The following SMG1 variants were observed in gnomAD, a reference collection of about 807,000 sequenced individuals.
The protein encoded by SMG1 is serine/threonine-protein kinase SMG1.
A neutral mutation model predicts 419.9 loss-of-function variants in SMG1; 22 were observed. The ratio of observed to expected loss-of-function variants is 0.05; its 90% CI spans 0.04 to 0.07. The LOEUF (loss-of-function observed/expected upper bound fraction) is 0.07. Ranked by LOEUF, SMG1 falls within the 10% of genes least tolerant of loss-of-function variation. The pLI is 1.00. For missense variants in SMG1, 3,185 were observed against 4,342.0 expected (o/e 0.73, Z 7.49); for synonymous variants, 1,538 against 1,553.5 (o/e 0.99, Z 0.23).
rs773787855 is a variant in SMG1, at chr16:18,864,157, T to C, written c.3351-13A>G. 31 of 1,480,624 alleles carry C rather than the reference T, an allele frequency of 2.1e-5. No individual in the cohort carries two copies. Among genetic ancestry groups the C allele is most frequent in the African/African-American group, 2.9e-5 (2 of 68,816 alleles). 91.7% of individuals were successfully genotyped at this position (1,480,624 alleles called of 1,614,324 possible). The stretch of plus-strand genomic sequence containing the variant: ...GGCCTTTTCAAACCTGAAAAGCAAA[T>C]TGAAGCAGTCTTATTTATTTATCTA... On this transcript the variant is annotated splice_polypyrimidine_tract_variant and intron_variant, in intron 23 of 62. Transcript: ENST00000446231.
rs762549613 is a variant in SMG1 at position 18,838,094 on chromosome 16, C to A, written c.7333G>T (p.Ala2445Ser). 6.2e-7 allele frequency: 1 copy of A among 1,614,024 alleles called. No homozygotes were observed. Among genetic ancestry groups the A allele is most frequent in the East Asian group, 2.2e-5 (1 of 44,884 alleles). Residue 2445 changes from alanine (A) to serine (S), a missense_variant, in exon 45 of 63, where the codon GCC (alanine) becomes TCC (serine). By Grantham distance (99) the Ala-to-Ser change is moderately conservative (BLOSUM62 1). Coordinates refer to ENST00000446231, the MANE Select transcript of SMG1 (RefSeq NM_015092.5). ...GAVYGGGGQQ[A>S]ESKQSKREME... is the part of the protein sequence containing the mutation. ...TCTCTCTTGCTCTGCTTGCTCTCGG[C>A]CTGCTGGCCACCTCCACCATAGACA...
At chr16:18,839,439 C>T (rs1052181202) in intron 42 of SMG1, among the ~76,000 whole-genome samples, 2 of 152,054 alleles carry the variant, frequency 1.3e-5, no homozygotes, top group Non-Finnish European at 2.9e-5. Flanking sequence ...TGAGAACATG[C>T]GGTATTCAGT....
In SMG1 at chr16:18,834,388, A is replaced by G. The variant is rs753650149; in HGVS notation, c.8381T>C (p.Val2794Ala). 4.3e-6 allele frequency: 7 copies of G among 1,613,966 alleles called. No individual in the cohort carries two copies. Among genetic ancestry groups the G allele is most frequent in the South Asian group, 2.2e-5 (2 of 91,058 alleles). The change falls in exon 50 of 63, where the codon GTT becomes GCT. Residue 2794 changes from valine to alanine, a missense_variant. This residue lies in a region of SMG1 where 412 missense variants were observed against 546.6 expected (regional missense o/e 0.75). Coordinates refer to ENST00000446231, the MANE Select transcript of SMG1 (RefSeq NM_015092.5). ...GGCTCCATCCCGAGAAGTCAGATCA[A>G]CCAGCTGTTCTCCAGCACTTGACGC... ...GAASSAGEQL[V>A]DLTSRDGAWF...
chr16:18,876,059 A>G (rs1203417445), intron 13 of SMG1, 65 bp downstream of exon 13: 69 of 1,546,052 alleles, frequency 4.5e-5, no homozygotes, highest in Non-Finnish European at 5.1e-5. Context: ...AGTGAAATAC[A>G]TAAATATGTA....
chr16:18,893,901 C>CA (rs1248282626), intron 3 of SMG1, among the ~76,000 whole-genome samples: 2 of 151,422 alleles, frequency 1.3e-5, no homozygotes, highest in Non-Finnish European at 2.9e-5. Flanking sequence ...ACTGAAGATA[C>CA]AAAAAATTAG....
intron 59 of SMG1, 67 bp downstream of exon 59, chr16:18,815,373 G>C: frequency 1.3e-6 from 2 of 1,575,288 alleles, no homozygotes; most frequent in South Asian, 2.2e-5. Context: ...TAAATCAAGA[G>C]ATAAACTTCT....
Position 18,877,831 on chromosome 16 carries a change from A to G in SMG1, c.1519-599T>C, listed in dbSNP as rs1279784424. On this transcript the variant is annotated intron_variant, in intron 11 of 62. Coordinates refer to ENST00000446231, the MANE Select transcript of SMG1 (RefSeq NM_015092.5). ...TTAGACACCTAAATAGGACACACGT[A>G]TTTTACAGTTATCATGGGCATTTTT... is the stretch of plus-strand genomic sequence containing the variant. 4 of 152,198 alleles carry G rather than the reference A, an allele frequency of 2.6e-5. No individual in the cohort carries two copies. The East Asian group carries it at 7.7e-4, about 29-fold the overall frequency. 9.4% of individuals were successfully genotyped at this position (152,198 alleles called of 1,614,324 possible).
chr16:18,832,953 T>C lies in SMG1; in HGVS notation c.8779A>G (p.Ile2927Val), dbSNP rs1457364063. The change falls in exon 51 of 63, where the codon ATC becomes GTC. Residue 2927 changes from isoleucine to valine, a missense_variant. Transcript: ENST00000446231. ...GCATTCACTTGCCTGGCAACATCGA[T>C]GTAATGAGCATGTGTTTCTTCTTCC... ...GLEEETHAHY[I>V]DVARLLHAQY... 8.1e-6 allele frequency: 13 copies of C among 1,613,764 alleles called. No individual in the cohort carries two copies. Among genetic ancestry groups the C allele is most frequent in the African/African-American group, 1.3e-5 (1 of 74,904 alleles).
chr16:18,856,669 C>T (rs1028373283), intron 29 of SMG1: 1 of 152,156 alleles, frequency 6.6e-6, no homozygotes, highest in Non-Finnish European at 1.5e-5. Flanking sequence ...ATTCTTCTAG[C>T]AGAGACAGGG....
Position 18,830,977 on chromosome 16 carries a change from C to G in SMG1, c.8793-608G>C, listed in dbSNP as rs199756941. Among the ~76,000 whole-genome samples, 3 of 152,146 alleles carry G rather than the reference C, an allele frequency of 2.0e-5. No individual in the cohort carries two copies. The East Asian group carries it at 5.8e-4, about 29-fold the overall frequency. ...TTTAAAATCCTGTATTGAAAAATGT[C>G]AGAAATCACACCATTCTAAAGCTGG... On this transcript the variant is annotated intron_variant, in intron 51 of 62. Transcript: ENST00000446231.
intron 1 of SMG1, among the ~76,000 whole-genome samples, chr16:18,916,312 G>T (rs187036560): frequency 6.6e-6 from 1 of 151,174 alleles, no homozygotes; most frequent in Non-Finnish European, 1.5e-5. Context: ...TCAGGAGATC[G>T]AGACCATCCT....
intron 10 of SMG1, among the ~76,000 whole-genome samples, chr16:18,881,504 C>T (rs977852070): frequency 2.0e-5 from 3 of 152,122 alleles, no homozygotes; most frequent in African/African-American, 7.2e-5. Context: ...CAAGTTTTAT[C>T]CTAACAGTAA....
chr16:18,867,391 G>A (rs13334896), intron 22 of SMG1, among the ~76,000 whole-genome samples: 10,617 of 151,916 alleles, frequency 0.07, 374 homozygotes, highest in African/African-American at 0.094. Flanking sequence ...AAACTTAGCC[G>A]AGTATGGTGG....
intron 13 of SMG1, among the ~76,000 whole-genome samples, chr16:18,873,469 C>A (rs529129451): frequency 6.6e-6 from 1 of 152,134 alleles, no homozygotes; most frequent in African/African-American, 2.4e-5. Flanking sequence ...TGATCTGCCC[C>A]CCTCGGTCTC....
Position 18,898,808 on chromosome 16 carries a change from T to C in SMG1, c.93-1852A>G, listed in dbSNP as rs1411874302. Among the ~76,000 whole-genome samples the C allele has an allele frequency of 3.9e-5, 6 of 152,200 alleles. No homozygotes were observed. The East Asian group carries it at 9.6e-4, about 24-fold the overall frequency. ...ACCTTTACTATTAAGAGTTAAATAT[T>C]TGTATCACTTTCTGGTGACACAGTA... is the stretch of plus-strand genomic sequence containing the variant. On this transcript the variant is annotated intron_variant, in intron 1 of 62. Coordinates refer to ENST00000446231, the MANE Select transcript of SMG1 (RefSeq NM_015092.5).
chr16:18,902,819 T>C (rs921948319), intron 1 of SMG1, among the ~76,000 whole-genome samples: 29 of 152,162 alleles, frequency 1.9e-4, no homozygotes, highest in African/African-American at 6.5e-4. Context: ...TTTAAAACCA[T>C]TAAATATACT....
intron 54 of SMG1, among the ~76,000 whole-genome samples, 158 bp from the exon 55 acceptor site, chr16:18,828,326 A>G (rs1449148937): frequency 1.3e-5 from 2 of 152,212 alleles, no homozygotes; most frequent in Non-Finnish European, 2.9e-5. Flanking sequence ...AGACACACTG[A>G]AAAAAATCAC....
chr16:18,816,258 A>T, intron 58 of SMG1, 44 bp downstream of exon 58: 2 of 1,447,454 alleles, frequency 1.4e-6, no homozygotes, highest in Non-Finnish European at 1.9e-6. Flanking sequence ...TGTAAATTTT[A>T]TAACAGAGGG....
At chr16:18,849,871 A>G in intron 35 of SMG1, 78 bp downstream of exon 35, 2 of 1,396,706 alleles carry the variant, frequency 1.4e-6, no homozygotes, top group Non-Finnish European at 9.7e-7. Flanking sequence ...AATAATAAAC[A>G]TAAGGAAACC....
Sources: gnomAD v4.1 joint callset for allele counts (sites outside exome capture counted in the v4.1 genomes callset) on GRCh38, gnomAD v4.1.1 for gene constraint, gnomAD v4.1.1 regional missense constraint, MANE v1.5 for transcripts, NCBI Gene and HGNC (gene_info 2026-07-23, HGNC 2026-07-21) for gene names.